DGKI: variants seen among roughly 807,000 people sequenced by gnomAD.
DGKI encodes DAG kinase iota.
DGKI carries 55 observed loss-of-function variants against 147.5 expected under a neutral mutation model. The observed-to-expected ratio is 0.37, with a 90% CI of 0.30 to 0.47. The LOEUF (loss-of-function observed/expected upper bound fraction) is 0.47, where lower values mean the gene tolerates loss of function less well. Ranked by LOEUF, DGKI falls within the 20% of genes least tolerant of loss-of-function variation. DGKI has a pLI of 1.00. For synonymous variants in DGKI, 469 were observed against 477.1 expected (o/e 0.98, Z 0.22); for missense variants, 1,007 against 1,323.8 (o/e 0.76, Z 3.71).
At chr7:137,603,226 A>G (rs80007327) in intron 10 of DGKI, among the ~76,000 whole-genome samples, 1,881 of 152,282 alleles carry the variant, frequency 0.012, 35 homozygotes, top group African/African-American at 0.043. Context: ...ACATAATGAC[A>G]ATTGTTGGGG....
At chr7:137,553,777 T>C (rs1409899188) in intron 19 of DGKI, among the ~76,000 whole-genome samples, 2 of 152,186 alleles carry the variant, frequency 1.3e-5, no homozygotes, top group Non-Finnish European at 2.9e-5. Flanking sequence ...TCCCGCCAAC[T>C]GACTGGTGAG....
chr7:137,390,978 T>C lies in DGKI; in HGVS notation c.*242A>G. On this transcript the variant is annotated 3_prime_UTR_variant, in exon 33 of 33. Coordinates refer to ENST00000614521, the MANE Select transcript of DGKI (RefSeq NM_001321708.2). ...CTTGCTGGAAGCAATAAGGATCAAATTTTGTGGAACTCGTACTGTATTCCA... is the reference window on the plus strand; with the variant it reads ...CTTGCTGGAAGCAATAAGGATCAAACTTTGTGGAACTCGTACTGTATTCCA... 2.0e-6 allele frequency: 1 copy of C among 502,974 alleles called. No homozygotes were observed. Among genetic ancestry groups the C allele is most frequent in the Admixed American group, 3.7e-5 (1 of 27,314 alleles). The allele number at this position is 502,974 out of a possible 1,614,324, so 31.2% of individuals were successfully genotyped here. A position where few individuals can be genotyped will look rare whatever the true frequency, so the allele number is the denominator to read the frequency against.
chr7:137,738,162 C>T (rs1393795111), intron 1 of DGKI, among the ~76,000 whole-genome samples: 5 of 152,054 alleles, frequency 3.3e-5, no homozygotes, highest in African/African-American at 1.2e-4. Flanking sequence ...GAAATACAGA[C>T]AAATTAATGC....
chr7:137,751,894 G>T (rs116593476), intron 1 of DGKI, among the ~76,000 whole-genome samples: 248 of 152,180 alleles, frequency 1.6e-3, no homozygotes, highest in African/African-American at 5.8e-3. Context: ...AGCATAAGAT[G>T]ATATAAAATA....
chr7:137,465,059 T>C (rs1301190806), intron 26 of DGKI, among the ~76,000 whole-genome samples: 1 of 152,252 alleles, frequency 6.6e-6, no homozygotes, highest in Admixed American at 6.5e-5. Flanking sequence ...TTAGAAATAC[T>C]AATTATGTTT....
chr7:137,779,700 C>T (rs763136086), intron 1 of DGKI, among the ~76,000 whole-genome samples: 41 of 152,046 alleles, frequency 2.7e-4, no homozygotes, highest in Non-Finnish European at 4.7e-4. Context: ...TATTCTGTTA[C>T]AGCTGCACAA....
chr7:137,786,141 G>T (rs1375462257), intron 1 of DGKI, among the ~76,000 whole-genome samples: 1 of 152,106 alleles, frequency 6.6e-6, no homozygotes, highest in Non-Finnish European at 1.5e-5. Context: ...GCAAGAGAAA[G>T]AAATAAAGGG....
At chr7:137,569,038 G>A (rs7784757) in intron 19 of DGKI, among the ~76,000 whole-genome samples, 13,652 of 152,058 alleles carry the variant, frequency 0.09, 746 homozygotes, top group South Asian at 0.16. Context: ...GAGAGCACAC[G>A]TGCAATGGCT....
intron 1 of DGKI, among the ~76,000 whole-genome samples, chr7:137,772,870 A>G (rs1256275198): frequency 1.3e-5 from 2 of 152,370 alleles, no homozygotes; most frequent in South Asian, 2.1e-4. Context: ...TGAAGGCATA[A>G]GTCAGTGTGA....
intron 1 of DGKI, among the ~76,000 whole-genome samples, chr7:137,799,020 C>T (rs915918317): frequency 2.6e-5 from 4 of 152,048 alleles, no homozygotes; most frequent in Non-Finnish European, 5.9e-5. Flanking sequence ...TAATAAAGGA[C>T]ATCTATTTTT....
intron 21 of DGKI, among the ~76,000 whole-genome samples, chr7:137,495,660 G>A (rs150037977): frequency 5.3e-5 from 8 of 151,808 alleles, no homozygotes; most frequent in African/African-American, 1.5e-4. Context: ...CAACATACAC[G>A]AATCAATAAA....
intron 1 of DGKI, among the ~76,000 whole-genome samples, chr7:137,770,024 G>A (rs1295384400): frequency 1.3e-5 from 2 of 152,216 alleles, no homozygotes; most frequent in Admixed American, 1.3e-4. Context: ...ACATGCGTAT[G>A]TATGTTTACC....
intron 2 of DGKI, among the ~76,000 whole-genome samples, chr7:137,685,918 A>T (rs1823398822): frequency 6.6e-6 from 1 of 152,144 alleles, no homozygotes; most frequent in African/African-American, 2.4e-5. Flanking sequence ...CAGGAACTAG[A>T]GATTATCTGA....
Position 137,391,120 on chromosome 7 carries a change from G to A in DGKI, c.*100C>T, listed in dbSNP as rs911017785. The A allele has an allele frequency of 6.1e-5, 55 of 908,374 alleles. No individual in the cohort carries two copies. The highest frequency in any genetic ancestry group is 9.8e-5 in the Non-Finnish European group (53 of 542,604). The allele number at this position is 908,374 out of a possible 1,614,324, so 56.3% of individuals were successfully genotyped here. A position where few individuals can be genotyped will look rare whatever the true frequency, so the allele number is the denominator to read the frequency against. ...GGTAGATTCTTGCAGGAGAGAGACAGATATATGAATTCCATCAGCTTCTTC... is the reference window on the plus strand; with the variant it reads ...GGTAGATTCTTGCAGGAGAGAGACAAATATATGAATTCCATCAGCTTCTTC... On this transcript the variant is annotated 3_prime_UTR_variant, in exon 33 of 33. Transcript: ENST00000614521.
intron 3 of DGKI, among the ~76,000 whole-genome samples, chr7:137,661,943 T>C (rs938341110): frequency 2.0e-5 from 3 of 152,236 alleles, no homozygotes; most frequent in African/African-American, 7.2e-5. Context: ...ACAAGATTGT[T>C]GCTGTATAAT....
chr7:137,813,869 A>G (rs1797662092), intron 1 of DGKI, among the ~76,000 whole-genome samples: 1 of 152,176 alleles, frequency 6.6e-6, no homozygotes. Flanking sequence ...TAATAACGCT[A>G]ATAGTTATTG....
intron 1 of DGKI, among the ~76,000 whole-genome samples, chr7:137,819,310 G>A (rs967961481): frequency 3.7e-5 from 5 of 135,994 alleles, no homozygotes; most frequent in African/African-American, 1.3e-4. Flanking sequence ...AGACTACAAG[G>A]GAATTTTTTT....
chr7:137,391,749 A>T (rs1274644417), intron 32 of DGKI, among the ~76,000 whole-genome samples: 2 of 152,184 alleles, frequency 1.3e-5, no homozygotes, highest in African/African-American at 4.8e-5. Context: ...AGGCATTTAG[A>T]TTTCTAGTTT....
rs6942641 is a variant in DGKI, at chr7:137,614,082, G to A, written c.994-4473C>T. Among the ~76,000 whole-genome samples, 1,171 of 152,080 alleles carry A rather than the reference G, an allele frequency of 7.7e-3. 18 individuals are homozygous for A. Among genetic ancestry groups the A allele is most frequent in the African/African-American group, 0.027 (1,116 of 41,488 alleles). On this transcript the variant is annotated intron_variant, in intron 8 of 32. Transcript: ENST00000614521. Reference sequence around the variant, plus strand: ...ATATATTACTCATGTTACTACAAACGAAACAATAAAAGATTGAGCACTATC... The same window carrying A: ...ATATATTACTCATGTTACTACAAACAAAACAATAAAAGATTGAGCACTATC...
Sources: gnomAD v4.1 joint callset for allele counts (sites outside exome capture counted in the v4.1 genomes callset) on GRCh38, gnomAD v4.1.1 for gene constraint, MANE v1.5 for transcripts, NCBI Gene and HGNC (gene_info 2026-07-23, HGNC 2026-07-21) for gene names.